The following MAPK9 variants were observed in gnomAD, a reference collection of about 807,000 sequenced individuals.
MAPK9 encodes Jun kinase.
A neutral mutation model predicts 57.1 loss-of-function variants in MAPK9; 30 were observed. The ratio of observed to expected loss-of-function variants is 0.53; its 90% confidence interval spans 0.39 to 0.71. The LOEUF (loss-of-function observed/expected upper bound fraction) is 0.71, where lower values mean the gene tolerates loss of function less well. Among genes scored for constraint, MAPK9 ranks in the 30% least tolerant of loss-of-function variants. The probability of loss-of-function intolerance (pLI) is 0.00; values close to 1 mark genes in which losing one functional copy is unlikely to be tolerated. For synonymous variants in MAPK9, 155 were observed against 177.0 expected (o/e 0.88, Z 0.99); for missense variants, 362 against 521.0 (o/e 0.69, Z 2.97).
chr5:180,286,248 C>T (rs1168877202), intron 1 of MAPK9, among the ~76,000 whole-genome samples: 1 of 144,226 alleles, frequency 6.9e-6, no homozygotes, highest in Non-Finnish European at 1.5e-5. Flanking sequence ...CAGGTTCACG[C>T]CATTCTCCTG....
At chr5:180,238,145 C>CT in intron 11 of MAPK9, 187 bp downstream of exon 11, 1 of 449,566 alleles carries the variant, frequency 2.2e-6, no homozygotes. Context: ...TGGCGCGTGC[C>CT]TGTAGTCCCA....
intron 1 of MAPK9, among the ~76,000 whole-genome samples, chr5:180,284,759 C>A (rs1762594908): frequency 6.6e-6 from 1 of 152,154 alleles, no homozygotes; most frequent in Non-Finnish European, 1.5e-5. Context: ...TGTGGATGGA[C>A]TGAATAAATT....
At chr5:180,267,717 C>T (rs7714207) in intron 3 of MAPK9, among the ~76,000 whole-genome samples, 41,461 of 151,960 alleles carry the variant, frequency 0.27, 5,827 homozygotes, top group Non-Finnish European at 0.32. Context: ...ATTTTAAAAA[C>T]TGCCAAGCAT....
chr5:180,265,085 CATA>C lies in MAPK9; in HGVS notation c.253-249_253-247del, dbSNP rs1036402323. ...ACTTAATTATTACAGAATTTAAACA[CATA>C]ATGTCTTTTTGAACATAAAAAAGTA... On this transcript the variant is annotated intron_variant, in intron 3 of 11. Transcript: ENST00000452135. Among the ~76,000 whole-genome samples, 6 of 152,252 alleles carry C rather than the reference CATA, an allele frequency of 3.9e-5. No individual in the cohort carries two copies. In the South Asian group the frequency reaches 6.2e-4, roughly 16 times the overall value.
chr5:180,251,479 C>T (rs1209657963), intron 5 of MAPK9, among the ~76,000 whole-genome samples: 1 of 152,228 alleles, frequency 6.6e-6, no homozygotes, highest in Admixed American at 6.5e-5. Flanking sequence ...GCACACTTTA[C>T]TGCCGTCTGC....
At position 180,247,202 on chromosome 5, in the gene MAPK9, C is replaced by T. The variant is rs531440188; in HGVS notation, c.688+237G>A. 89 of 552,308 alleles carry T rather than the reference C, an allele frequency of 1.6e-4. No individual in the cohort carries two copies. Among genetic ancestry groups the T allele is most frequent in the Admixed American group, 2.8e-4 (8 of 28,258 alleles). The allele number at this position is 552,308 out of a possible 1,614,324, so 34.2% of individuals were successfully genotyped here. On this transcript the variant is annotated intron_variant, in intron 7 of 11. Coordinates refer to ENST00000452135, the MANE Select transcript of MAPK9 (RefSeq NM_002752.5). This position sits in a 1 kb window ranked among gnomAD's most constrained non-coding sequence, Gnocchi z 4.5. ...TGGCAAAATTAAGAGCTAATATAAT[C>T]GGTTTAACTGAACTCTAAGTCTCAA... is the stretch of plus-strand genomic sequence containing the variant.
At chr5:180,251,530 C>T (rs1191034886) in intron 5 of MAPK9, among the ~76,000 whole-genome samples, 1 of 152,182 alleles carries the variant, frequency 6.6e-6, no homozygotes, top group Non-Finnish European at 1.5e-5. Flanking sequence ...TGTGTGGGTG[C>T]TCTGTGTGGC....
intron 2 of MAPK9, among the ~76,000 whole-genome samples, chr5:180,276,497 C>T (rs1173811439): frequency 6.6e-6 from 1 of 152,214 alleles, no homozygotes; most frequent in Non-Finnish European, 1.5e-5. Flanking sequence ...GCTTCAAAAT[C>T]TTACAATTAT....
intron 1 of MAPK9, among the ~76,000 whole-genome samples, chr5:180,282,917 G>C (rs2127625787): frequency 6.6e-6 from 1 of 152,298 alleles, no homozygotes; most frequent in Middle Eastern, 3.4e-3. Flanking sequence ...AGAAGCAGCA[G>C]AGGCGGAGGC....
At chr5:180,259,641 G>A (rs1759707480) in intron 5 of MAPK9, among the ~76,000 whole-genome samples, 1 of 152,128 alleles carries the variant, frequency 6.6e-6, no homozygotes, top group African/African-American at 2.4e-5. Context: ...TAAGGAATGT[G>A]GTCAAGTCTC....
intron 1 of MAPK9, among the ~76,000 whole-genome samples, chr5:180,285,996 C>T (rs532728736): frequency 1.2e-4 from 17 of 146,186 alleles, no homozygotes; most frequent in Non-Finnish European, 2.2e-4. Flanking sequence ...AGGAGAATGG[C>T]GTGAACCTGG....
chr5:180,290,998 T>C (rs1156474319), intron 1 of MAPK9, among the ~76,000 whole-genome samples: 3 of 152,040 alleles, frequency 2.0e-5, no homozygotes, highest in African/African-American at 7.2e-5. Flanking sequence ...TGAAATAGCA[T>C]GACTAAGGGA....
chr5:180,265,648 C>T (rs1054935872), intron 3 of MAPK9, among the ~76,000 whole-genome samples: 1 of 152,220 alleles, frequency 6.6e-6, no homozygotes, highest in Non-Finnish European at 1.5e-5. Context: ...ATAAGTTACA[C>T]TGTCTTGGGT....
chr5:180,275,669 T>C (rs1222062752), intron 2 of MAPK9, among the ~76,000 whole-genome samples: 6 of 152,186 alleles, frequency 3.9e-5, no homozygotes, highest in Non-Finnish European at 8.8e-5. Context: ...ATGCTGAGCA[T>C]GGGGGACAGT....
chr5:180,283,571 T>C (rs1762490171), intron 1 of MAPK9, among the ~76,000 whole-genome samples: 1 of 152,242 alleles, frequency 6.6e-6, no homozygotes, highest in South Asian at 2.1e-4. Context: ...TATGACAATA[T>C]TAGGTTAACT....
At chr5:180,264,134 G>C (rs866070374) in intron 4 of MAPK9, among the ~76,000 whole-genome samples, 1 of 152,124 alleles carries the variant, frequency 6.6e-6, no homozygotes, top group East Asian at 1.9e-4. Flanking sequence ...CCCTGACCCA[G>C]CTCCACCCTT....
At chr5:180,263,599 T>C (rs947749049) in intron 4 of MAPK9, among the ~76,000 whole-genome samples, 2 of 152,136 alleles carry the variant, frequency 1.3e-5, no homozygotes, top group Non-Finnish European at 2.9e-5. Flanking sequence ...ACGCCACCTC[T>C]TGATGGTCTT....
intron 5 of MAPK9, chr5:180,257,659 G>A (rs1186931955): frequency 6.6e-6 from 1 of 152,250 alleles, no homozygotes; most frequent in East Asian, 1.9e-4. Context: ...GGATGCCATA[G>A]AATCCTGGAA....
At chr5:180,272,123 C>A (rs188189542) in intron 2 of MAPK9, among the ~76,000 whole-genome samples, 5 of 152,130 alleles carry the variant, frequency 3.3e-5, no homozygotes, top group Non-Finnish European at 5.9e-5. Flanking sequence ...CTTCTTGCAG[C>A]TTCCTTAAGA....
Sources: allele counts gnomAD v4.1 joint callset (sites outside exome capture counted in the v4.1 genomes callset), GRCh38; gene constraint gnomAD v4.1.1; non-coding constraint Gnocchi (gnomAD v3.1); transcripts MANE v1.5; gene names NCBI Gene and HGNC (gene_info 2026-07-23, HGNC 2026-07-21).